The following CD300C variants were observed in gnomAD, a reference collection of about 807,000 sequenced individuals.
CD300C encodes CMRF35-like molecule 6.
Under a neutral mutation model 18.4 loss-of-function variants are expected in CD300C, and 11 were observed. That is an observed-to-expected ratio of 0.60 (90% CI 0.38 to 0.99). The LOEUF (loss-of-function observed/expected upper bound fraction) is 0.99. Ranked by LOEUF, CD300C falls within the 50% of genes least tolerant of loss-of-function variation. CD300C has a pLI of 0.01. For synonymous variants in CD300C, 116 were observed against 116.3 expected, an observed-to-expected ratio of 1.00 and a Z score of 0.02; for missense variants, 277 against 287.4, an observed-to-expected ratio of 0.96 and a Z score of 0.26.
chr17:74,537,539 G>C (rs1908417480), downstream of CD300C, among the ~76,000 whole-genome samples: 1 of 150,914 alleles, frequency 6.6e-6, no homozygotes, highest in African/African-American at 2.4e-5. Flanking sequence ...AGAGGTGGGA[G>C]AATCGCTTGA....
At chr17:74,545,400 G>C in intron 1 of CD300C, among the ~76,000 whole-genome samples, 1 of 152,074 alleles carries the variant, frequency 6.6e-6, no homozygotes. Context: ...GAGTGTGACC[G>C]TGTGTGCGTG....
downstream of CD300C, among the ~76,000 whole-genome samples, chr17:74,537,628 CA>C (rs11380108): frequency 8.8e-3 from 1,166 of 132,430 alleles, 6 homozygotes; most frequent in Non-Finnish European, 0.01. Flanking sequence ...GACTCCATCT[CA>C]AAAAAAAAAA....
chr17:74,541,851 A>C (rs1598137757), intron 3 of CD300C, 115 bp from the exon 4 acceptor site: 2 of 1,082,740 alleles, frequency 1.8e-6, no homozygotes, highest in Non-Finnish European at 1.3e-6. Flanking sequence ...CCACATAAGC[A>C]CCCCCCTGGA....
chr17:74,543,004 G>C lies in CD300C; in HGVS notation c.401-17C>G. 1 of 1,612,924 alleles carries C rather than the reference G, an allele frequency of 6.2e-7. No homozygotes were observed. Among genetic ancestry groups the C allele is most frequent in the Non-Finnish European group, 8.5e-7 (1 of 1,179,980 alleles). On this transcript the variant is annotated splice_polypyrimidine_tract_variant and intron_variant, in intron 2 of 3. Coordinates refer to ENST00000330793, the MANE Select transcript of CD300C (RefSeq NM_006678.5). ...TCGTCCCGGCTGTGGGTGAAACACA[G>C]GTCAACCTTGATGACATCACATGGG...
chr17:74,544,553 A>G, intron 2 of CD300C, 56 bp downstream of exon 2: 1 of 1,551,204 alleles, frequency 6.4e-7, no homozygotes, highest in South Asian at 1.2e-5. Flanking sequence ...CTTCAGGGAC[A>G]GAATGACCAG....
At chr17:74,541,813 T>C in intron 3 of CD300C, 77 bp from the exon 4 acceptor site, 3 of 1,513,810 alleles carry the variant, frequency 2.0e-6, no homozygotes, top group Non-Finnish European at 2.7e-6. Context: ...CCCTGACCCT[T>C]GTGTCCCAAT....
rs377012516 is a variant in CD300C, at chr17:74,544,850, G to T, written c.159C>A (p.Asn53Lys). Residue 53 changes from asparagine (N) to lysine (K), a missense_variant, in exon 2 of 4, where the codon AAC becomes AAA. Asn to Lys is a moderately conservative substitution (Grantham distance 94). Transcript: ENST00000330793. ...CRYEKEHRTL[N>K]KFWCRPPQIL... The stretch of plus-strand genomic sequence containing the variant: ...TCTGTGGTGGTCTGCACCAGAATTT[G>T]TTGAGGGTCCTGTGTTCCTTCTCAT... 2.5e-6 allele frequency: 4 copies of T among 1,614,218 alleles called. No homozygotes were observed. Among genetic ancestry groups the T allele is most frequent in the Non-Finnish European group, 3.4e-6 (4 of 1,180,046 alleles).
At chr17:74,542,181 C>G (rs1908575424) in intron 3 of CD300C, among the ~76,000 whole-genome samples, 1 of 152,162 alleles carries the variant, frequency 6.6e-6, no homozygotes, top group African/African-American at 2.4e-5. Context: ...CAATAATCTG[C>G]CCTACAACTT....
the CD300C span, among the ~76,000 whole-genome samples, chr17:74,534,947 C>G: frequency 6.6e-6 from 1 of 152,124 alleles, no homozygotes; most frequent in African/African-American, 2.4e-5. Context: ...TACTTTGATT[C>G]AACACTTTGA....
chr17:74,539,434 G>A (rs985234311), downstream of CD300C, among the ~76,000 whole-genome samples: 10 of 152,072 alleles, frequency 6.6e-5, no homozygotes, highest in Non-Finnish European at 1.0e-4. Flanking sequence ...GCCCTGCCAC[G>A]GGGACCTGAC....
At position 74,542,876 on chromosome 17, in the gene CD300C, G is replaced by C. The variant is rs1908604615; in HGVS notation, c.512C>G (p.Pro171Arg). Residue 171 changes from proline (P) to arginine (R), a missense_variant, in exon 3 of 4, where the codon CCC becomes CGC. Pro to Arg is a moderately radical substitution (Grantham distance 103). Transcript: ENST00000330793. ...GGCACCTTACCCAGGGTGTGGGCTG[G>C]GTTCGGGGCTGTCCTTTCTGGTCAC... ...PSVTRKDSPE[P>R]SPHPGSLFSN... 7 of 1,607,898 alleles carry C rather than the reference G, an allele frequency of 4.4e-6. No homozygotes were observed. The highest frequency in any genetic ancestry group is 1.3e-5 in the African/African-American group (1 of 74,900).
intron 1 of CD300C, among the ~76,000 whole-genome samples, chr17:74,545,330 G>A (rs898400646): frequency 6.6e-6 from 1 of 151,726 alleles, no homozygotes; most frequent in Non-Finnish European, 1.5e-5. Flanking sequence ...GTGTGACTGT[G>A]TGCATGTGTG....
At chr17:74,542,173 A>G (rs565689452) in intron 3 of CD300C, among the ~76,000 whole-genome samples, 1 of 152,282 alleles carries the variant, frequency 6.6e-6, no homozygotes, top group African/African-American at 2.4e-5. Context: ...GGAGTCTCCA[A>G]TAATCTGCCC....
At chr17:74,543,105 T>C in intron 2 of CD300C, 118 bp from the exon 3 acceptor site, 1 of 1,374,942 alleles carries the variant, frequency 7.3e-7, no homozygotes, top group Non-Finnish European at 1.0e-6. Context: ...ACAGATGCCC[T>C]GCATCCATCA....
Position 74,542,981 on chromosome 17 carries a change from G to A in CD300C, c.407C>T (p.Thr136Met), listed in dbSNP as rs1228135740. 1.9e-6 allele frequency: 3 copies of A among 1,613,518 alleles called. No individual in the cohort carries two copies. The highest frequency in any genetic ancestry group is 1.3e-5 in the African/African-American group (1 of 75,064). ...EVEVSVFPAG[T>M]TTASSPQSSM... ...GCTCTGGGGGCTGGAGGCTGTGGTC[G>A]TCCCGGCTGTGGGTGAAACACAGGT... Residue 136 changes from threonine (T) to methionine (M), a missense_variant, in exon 3 of 4, where the codon ACG (threonine) becomes ATG (methionine). Transcript: ENST00000330793.
downstream of CD300C, among the ~76,000 whole-genome samples, chr17:74,537,132 A>G (rs539293231): frequency 1.1e-3 from 168 of 151,650 alleles, no homozygotes; most frequent in African/African-American, 3.9e-3. Flanking sequence ...AGGAGGGACA[A>G]GAGGAGGAGG....
chr17:74,541,781 G>C, intron 3 of CD300C, 45 bp from the exon 4 acceptor site: 1 of 1,579,580 alleles, frequency 6.3e-7, no homozygotes, highest in Non-Finnish European at 8.6e-7. Flanking sequence ...CCCCAGGGGA[G>C]GCCCAGGTGC....
downstream of CD300C, among the ~76,000 whole-genome samples, chr17:74,538,394 G>A (rs1699603): frequency 0.13 from 19,085 of 152,170 alleles, 1,405 homozygotes; most frequent in East Asian, 0.32. Flanking sequence ...GGAGGGACCT[G>A]TGGGGACACG....
At chr17:74,541,815 T>A (rs1908561283) in intron 3 of CD300C, 79 bp from the exon 4 acceptor site, 1 of 1,511,514 alleles carries the variant, frequency 6.6e-7, no homozygotes, top group African/African-American at 1.4e-5. Flanking sequence ...CTGACCCTTG[T>A]GTCCCAATCC....
Sources: allele counts gnomAD v4.1 joint callset (sites outside exome capture counted in the v4.1 genomes callset), GRCh38; gene constraint gnomAD v4.1.1; transcripts MANE v1.5; gene names NCBI Gene and HGNC (gene_info 2026-07-23, HGNC 2026-07-21).